Variants in SMG6 observed in about 807,000 individuals in gnomAD.
The protein encoded by SMG6 is SMG6 nonsense mediated mRNA decay factor.
In SMG6, 66 loss-of-function variants were observed where a neutral mutation model predicts 142.2. That is an observed-to-expected ratio of 0.46 (90% CI 0.38 to 0.57). SMG6 has a LOEUF of 0.57. SMG6 is among the 20% of genes least tolerant of loss of function. SMG6 has a pLI of 0.00. For missense variants in SMG6, 1,793 were observed against 1,832.0 expected, an observed-to-expected ratio of 0.98 and a Z score of 0.39; for synonymous variants, 779 against 702.4, an observed-to-expected ratio of 1.11 and a Z score of -1.72.
intron 8 of SMG6, 141 bp downstream of exon 8, chr17:2,282,506 G>T (rs2074810750): frequency 1.4e-6 from 1 of 739,046 alleles, no homozygotes; most frequent in South Asian, 1.6e-5. Context: ...TACATGAGAA[G>T]GGAAAAGACC....
intron 16 of SMG6, among the ~76,000 whole-genome samples, chr17:2,066,278 G>GCGCGCA (rs1161576649): frequency 5.7e-4 from 87 of 151,392 alleles, no homozygotes; most frequent in African/African-American, 1.7e-3. Context: ...ATGTCTGTGT[G>GCGCGCA]CGTGTATGTG....
chr17:2,061,558 C>G lies in SMG6; in HGVS notation c.4194G>C (p.Lys1398Asn). The change falls in exon 19 of 19, where the codon AAG (lysine) becomes AAC (asparagine). Residue 1398 changes from lysine (K) to asparagine (N), a missense_variant. Around this residue, in one of 3 missense-constraint regions of SMG6, gnomAD observed 179 missense variants for 212.6 expected, o/e 0.84. Transcript: ENST00000263073. ...LLTDDRNLRV[K>N]ALTRNVPVRD... ...GTACAGGAACATTCCTTGTGAGCGCCTTCACACGCAGGTTCCGGTCATCCG... is the reference window on the plus strand; with the variant it reads ...GTACAGGAACATTCCTTGTGAGCGCGTTCACACGCAGGTTCCGGTCATCCG... 1 of 1,573,324 alleles carries G rather than the reference C, an allele frequency of 6.4e-7. No homozygotes were observed.
intron 8 of SMG6, among the ~76,000 whole-genome samples, chr17:2,252,770 G>C (rs910366081): frequency 6.6e-6 from 1 of 152,102 alleles, no homozygotes. Context: ...CATTTTTAAA[G>C]GTCTCCAGGT....
At chr17:2,149,953 G>A (rs2070776598) in intron 13 of SMG6, among the ~76,000 whole-genome samples, 1 of 152,172 alleles carries the variant, frequency 6.6e-6, no homozygotes, top group South Asian at 2.1e-4. Flanking sequence ...AGTTTAGCAG[G>A]AGGGCTAGAA....
chr17:2,280,778 TG>T (rs1157888018), intron 8 of SMG6, among the ~76,000 whole-genome samples: 1 of 152,228 alleles, frequency 6.6e-6, no homozygotes, highest in Non-Finnish European at 1.5e-5. Flanking sequence ...ATCTATTATT[TG>T]TATAATTAGA....
At chr17:2,091,190 G>C (rs912621634) in intron 13 of SMG6, among the ~76,000 whole-genome samples, 1 of 152,186 alleles carries the variant, frequency 6.6e-6, no homozygotes, top group African/African-American at 2.4e-5. Flanking sequence ...TCTGCCAATG[G>C]AAGTTCAGAC....
chr17:2,112,958 A>G (rs767694482), intron 13 of SMG6, among the ~76,000 whole-genome samples: 1 of 152,050 alleles, frequency 6.6e-6, no homozygotes, highest in Admixed American at 6.6e-5. Context: ...GGGTTTCACC[A>G]TGTTAACCAG....
intron 5 of SMG6, 103 bp downstream of exon 5, chr17:2,292,768 C>G (rs2075066645): frequency 7.3e-7 from 1 of 1,378,208 alleles, no homozygotes; most frequent in African/African-American, 1.4e-5. Flanking sequence ...CTACAGGGAC[C>G]AATAGGGACA....
At chr17:2,084,649 G>A (rs1343253156) in intron 14 of SMG6, among the ~76,000 whole-genome samples, 2 of 152,196 alleles carry the variant, frequency 1.3e-5, no homozygotes, top group African/African-American at 2.4e-5. Flanking sequence ...CTGCTCTACC[G>A]GGCGCTTGAG....
At chr17:2,238,206 G>A (rs1002485258) in intron 9 of SMG6, among the ~76,000 whole-genome samples, 3 of 152,104 alleles carry the variant, frequency 2.0e-5, no homozygotes, top group African/African-American at 7.2e-5. Flanking sequence ...CCCAGAAGTC[G>A]TGCCACAGTT....
chr17:2,063,556 A>G (rs371447989), intron 18 of SMG6, among the ~76,000 whole-genome samples: 1 of 152,230 alleles, frequency 6.6e-6, no homozygotes, highest in Non-Finnish European at 1.5e-5. Context: ...TCTGAGAAAG[A>G]AAGTTCTGAG....
At chr17:2,186,606 T>G in intron 12 of SMG6, 57 bp downstream of exon 12, 9 of 1,590,200 alleles carry the variant, frequency 5.7e-6, no homozygotes, top group Non-Finnish European at 7.7e-6. Context: ...AGGGGAGCTG[T>G]AGGAACACGG....
chr17:2,073,087 T>A (rs2068152105), intron 15 of SMG6: 1 of 152,216 alleles, frequency 6.6e-6, no homozygotes, highest in African/African-American at 2.4e-5. Context: ...TGTTTTGTTT[T>A]GTTTTGTTTT....
intron 8 of SMG6, among the ~76,000 whole-genome samples, chr17:2,258,293 C>T (rs557415578): frequency 2.8e-4 from 42 of 151,952 alleles, no homozygotes; most frequent in East Asian, 9.8e-4. Context: ...CAGTGACTCA[C>T]GCCTGTAATC....
At chr17:2,125,438 G>A (rs888259737) in intron 13 of SMG6, among the ~76,000 whole-genome samples, 1 of 152,214 alleles carries the variant, frequency 6.6e-6, no homozygotes, top group East Asian at 1.9e-4. Flanking sequence ...CCAATAGGAT[G>A]ATGATTAGCT....
At chr17:2,144,776 C>T (rs911724244) in intron 13 of SMG6, among the ~76,000 whole-genome samples, 1 of 152,112 alleles carries the variant, frequency 6.6e-6, no homozygotes, top group African/African-American at 2.4e-5. Flanking sequence ...AGACTCAAAA[C>T]TCAGGTGAGG....
chr17:2,129,041 G>A (rs920571930), intron 13 of SMG6, among the ~76,000 whole-genome samples: 1 of 152,174 alleles, frequency 6.6e-6, no homozygotes, highest in African/African-American at 2.4e-5. Flanking sequence ...GAAAATGATA[G>A]TTTTAAATTA....
In SMG6 at chr17:2,065,612, A is replaced by G. The variant is rs370937157; in HGVS notation, c.3903T>C (p.Arg1301=). The G allele has an allele frequency of 6.9e-5, 112 of 1,614,000 alleles. No individual in the cohort carries two copies. In the African/African-American group the frequency reaches 1.4e-3, roughly 20 times the overall value. The change falls in exon 17 of 19, where the codon CGT becomes CGC. Residue 1301 remains arginine, a synonymous_variant. Coordinates refer to ENST00000263073, the MANE Select transcript of SMG6 (RefSeq NM_017575.5). The part of the protein sequence containing the change: ...ETDHRAGGYA[R]VVQEKARKSI... ...ACTTGCGGGCCTTCTCTTGTACCAC[A>G]CGGGCGTAGCCCCCAGCCCGGTGGT...
Position 2,065,567 on chromosome 17 carries a change from C to T in SMG6, c.3948G>A (p.Gln1316=), listed in dbSNP as rs1267369482. 1.2e-6 allele frequency: 2 copies of T among 1,614,158 alleles called. No homozygotes were observed. The highest frequency in any genetic ancestry group is 3.3e-5 in the Admixed American group (2 of 60,030). The change falls in exon 17 of 19, where the codon CAG becomes CAA. Residue 1316 remains glutamine (Q), a synonymous_variant. Coordinates refer to ENST00000263073, the MANE Select transcript of SMG6 (RefSeq NM_017575.5). ...KARKSIEFLE[Q]RFESRDSCLR... ...GGCAAGAGTCCCGACTCTCGAATCGCTGCTCGAGGAACTCGATGGACTTGC... is the reference window on the plus strand; with the variant it reads ...GGCAAGAGTCCCGACTCTCGAATCGTTGCTCGAGGAACTCGATGGACTTGC...
Sources: allele counts gnomAD v4.1 joint callset (sites outside exome capture counted in the v4.1 genomes callset), GRCh38; gene constraint gnomAD v4.1.1; regional missense constraint gnomAD v4.1.1; transcripts MANE v1.5; gene names NCBI Gene and HGNC (gene_info 2026-07-23, HGNC 2026-07-21).